Variants in LINGO1 observed in about 807,000 individuals in gnomAD.
LINGO1 encodes the protein leucine-rich repeat and immunoglobulin-like domain-containing nogo receptor-interacting protein 1.
A neutral mutation model predicts 37.3 loss-of-function variants in LINGO1; 11 were observed. That is an observed-to-expected ratio of 0.29 (90% CI 0.19 to 0.49). The LOEUF (loss-of-function observed/expected upper bound fraction) is 0.49, where lower values mean the gene tolerates loss of function less well. Ranked by LOEUF, LINGO1 falls within the 20% of genes least tolerant of loss-of-function variation. LINGO1 has a pLI of 0.99. For synonymous variants in LINGO1, 387 were observed against 403.0 expected (o/e 0.96, Z 0.48); for missense variants, 585 against 878.2 (o/e 0.67, Z 4.22).
At chr15:77,675,875 T>C (rs2075319048) in intron 3 of LINGO1, among the ~76,000 whole-genome samples, 1 of 152,184 alleles carries the variant, frequency 6.6e-6, no homozygotes, top group Admixed American at 6.5e-5. Context: ...GCCTCATCCC[T>C]GTTACCCCCA....
intron 2 of LINGO1, among the ~76,000 whole-genome samples, chr15:77,709,553 T>C (rs1459187019): frequency 6.6e-6 from 1 of 152,224 alleles, no homozygotes; most frequent in Non-Finnish European, 1.5e-5. Context: ...TTTTGTGCCT[T>C]CTCTGTCTCT....
At position 77,632,357 on chromosome 15, in the gene LINGO1, C is replaced by A; in HGVS notation, c.-42G>T. The A allele has an allele frequency of 7.1e-7, 1 of 1,407,664 alleles. No individual in the cohort carries two copies. Among genetic ancestry groups the A allele is most frequent in the Non-Finnish European group, 9.3e-7 (1 of 1,078,060 alleles). The allele number at this position is 1,407,664 out of a possible 1,614,324, so 87.2% of individuals were successfully genotyped here. On this transcript the variant is annotated 5_prime_UTR_variant, in exon 1 of 2. An upstream start codon of the reference 5' UTR is lost. Coordinates refer to ENST00000355300, the MANE Select transcript of LINGO1 (RefSeq NM_032808.7). The surrounding 1 kb of genome is among the most constrained non-coding windows in gnomAD (Gnocchi z 6.0). ...GTCCGCTCGGCTCGGTCACCAATCG[C>A]ATGTCTCTCCAGCCGGCCCGACCAG... is the stretch of plus-strand genomic sequence containing the variant.
intron 2 of LINGO1, among the ~76,000 whole-genome samples, chr15:77,714,114 GA>G (rs1434586580): frequency 1.3e-5 from 2 of 152,104 alleles, no homozygotes; most frequent in Non-Finnish European, 2.9e-5. Context: ...GGTCAAAAAC[GA>G]ACTCCTGATC....
intron 3 of LINGO1, among the ~76,000 whole-genome samples, chr15:77,654,883 C>T (rs1449429760): frequency 6.6e-6 from 1 of 152,178 alleles, no homozygotes; most frequent in Non-Finnish European, 1.5e-5. Context: ...GGCTCTGTTG[C>T]TATTGGAGGC....
chr15:77,677,550 C>T (rs2075348839), intron 2 of LINGO1, among the ~76,000 whole-genome samples: 2 of 152,070 alleles, frequency 1.3e-5, no homozygotes, highest in South Asian at 4.1e-4. Context: ...CTCTGAGACT[C>T]CCACTGCTAC....
intron 1 of LINGO1, among the ~76,000 whole-genome samples, chr15:77,739,852 T>C (rs1367027835): frequency 6.6e-6 from 1 of 152,240 alleles, no homozygotes; most frequent in African/African-American, 2.4e-5. Flanking sequence ...GAGCTGCCCC[T>C]GCTTCCTGGA....
chr15:77,695,157 G>T (rs990158039), intron 1 of LINGO1, among the ~76,000 whole-genome samples: 2 of 152,170 alleles, frequency 1.3e-5, no homozygotes, highest in African/African-American at 4.8e-5. Context: ...GAAACAGCTT[G>T]TAAGTGCTGG....
At chr15:77,663,894 G>A (rs1485560681) in intron 3 of LINGO1, among the ~76,000 whole-genome samples, 17 of 152,234 alleles carry the variant, frequency 1.1e-4, no homozygotes, top group Admixed American at 1.1e-3. Context: ...GCCCAAGAGT[G>A]AGGTCACCTG....
chr15:77,676,916 G>T lies in LINGO1; in HGVS notation c.-13+173C>A, dbSNP rs979305466. On this transcript the variant is annotated intron_variant, in intron 3 of 3. Transcript: ENST00000559893. The stretch of plus-strand genomic sequence containing the variant: ...GAGGTCAGGAACTCCTCCACAGGAG[G>T]CCCCTCTGCTGCTAGGGCCTTCAAA... 1.1e-4 allele frequency among the ~76,000 whole-genome samples: 16 copies of T among 152,206 alleles called. 1 individual carries two copies. The highest frequency in any genetic ancestry group is 3.9e-4 in the African/African-American group (16 of 41,456).
intron 2 of LINGO1, among the ~76,000 whole-genome samples, chr15:77,704,443 T>C (rs1222971459): frequency 6.6e-6 from 1 of 151,188 alleles, no homozygotes; most frequent in Non-Finnish European, 1.5e-5. Flanking sequence ...CCGACCCTGG[T>C]CAGACACTGA....
intron 1 of LINGO1, among the ~76,000 whole-genome samples, chr15:77,620,610 C>CACTT (rs2073887893): frequency 1.3e-5 from 2 of 152,244 alleles, no homozygotes; most frequent in Admixed American, 6.5e-5. Context: ...CTTCAGTGTC[C>CACTT]CTGAGGGTGC....
chr15:77,759,416 C>T (rs774846167), intron 1 of LINGO1, among the ~76,000 whole-genome samples: 1 of 152,224 alleles, frequency 6.6e-6, no homozygotes, highest in South Asian at 2.1e-4. Flanking sequence ...AGAGGCAACT[C>T]GGTCCAAGTG....
chr15:77,685,265 C>T (rs2075487534), intron 2 of LINGO1, among the ~76,000 whole-genome samples: 1 of 152,136 alleles, frequency 6.6e-6, no homozygotes, highest in Non-Finnish European at 1.5e-5. Flanking sequence ...GACCGAGGAT[C>T]TGAGGATCTG....
chr15:77,644,110 G>C (rs1180096458), intron 3 of LINGO1, among the ~76,000 whole-genome samples: 2 of 152,246 alleles, frequency 1.3e-5, no homozygotes, highest in Non-Finnish European at 2.9e-5. Flanking sequence ...TCTGCTTTGC[G>C]AATGTATCTA....
At chr15:77,710,792 GC>G (rs2075909502) in intron 2 of LINGO1, among the ~76,000 whole-genome samples, 1 of 152,250 alleles carries the variant, frequency 6.6e-6, no homozygotes, top group Admixed American at 6.5e-5. Context: ...CACACAGCAA[GC>G]TGGCCAACCG....
rs184357600 is a variant in LINGO1, at chr15:77,757,890, T to A, written c.-256-22837A>T. ...AACCTCCGGCTCATTAGCCCAGACC[T>A]GCTCGTTAATCACCGTGGGCCGCCT... On this transcript the variant is annotated intron_variant, in intron 1 of 3. Transcript: ENST00000561686. Among the ~76,000 whole-genome samples, 502 of 152,358 alleles carry A rather than the reference T, an allele frequency of 3.3e-3. 3 individuals are homozygous for A. Among genetic ancestry groups the A allele is most frequent in the Non-Finnish European group, 4.1e-3 (277 of 68,024 alleles).
At chr15:77,646,468 A>G (rs746723344) in intron 3 of LINGO1, 16 of 455,836 alleles carry the variant, frequency 3.5e-5, no homozygotes, top group South Asian at 2.3e-4. Context: ...TGTGACTCAT[A>G]GCAAAGTAAG....
At chr15:77,786,390 C>A (rs1386291016) in intron 1 of LINGO1, among the ~76,000 whole-genome samples, 1 of 152,088 alleles carries the variant, frequency 6.6e-6, no homozygotes, top group Non-Finnish European at 1.5e-5. Flanking sequence ...CTCACCTCAT[C>A]CCGCCCACCA....
chr15:77,675,212 C>G (rs2075309007), intron 3 of LINGO1, among the ~76,000 whole-genome samples: 1 of 152,202 alleles, frequency 6.6e-6, no homozygotes, highest in Non-Finnish European at 1.5e-5. Context: ...GCAGGTTGAT[C>G]TGGCTGTCCA....
Sources: allele counts gnomAD v4.1 joint callset (sites outside exome capture counted in the v4.1 genomes callset), GRCh38; gene constraint gnomAD v4.1.1; non-coding constraint Gnocchi (gnomAD v3.1); transcripts MANE v1.5; gene names NCBI Gene and HGNC (gene_info 2026-07-23, HGNC 2026-07-21).